CEP128: variants seen among roughly 807,000 people sequenced by gnomAD.
CEP128 encodes the protein centrosomal protein 128kDa.
In CEP128, 132 loss-of-function variants were observed where a neutral mutation model predicts 156.7. The observed-to-expected ratio is 0.84, with a 90% CI of 0.73 to 0.97. CEP128 has a LOEUF of 0.97. Among genes scored for constraint, CEP128 ranks in the 50% least tolerant of loss-of-function variants. The probability of loss-of-function intolerance (pLI) is 0.00; values close to 1 mark genes in which losing one functional copy is unlikely to be tolerated. For synonymous variants in CEP128, 469 were observed against 448.9 expected (o/e 1.04, Z -0.57); for missense variants, 1,252 against 1,281.9 (o/e 0.98, Z 0.36).
downstream of CEP128, among the ~76,000 whole-genome samples, chr14:80,489,244 A>G (rs565427502): frequency 1.2e-3 from 183 of 148,570 alleles, no homozygotes; most frequent in Non-Finnish European, 2.1e-3. Context: ...TGAAATAAAC[A>G]TATGGTTAAA....
intron 13 of CEP128, among the ~76,000 whole-genome samples, chr14:80,822,131 T>A (rs1168632436): frequency 3.9e-5 from 6 of 152,064 alleles, no homozygotes; most frequent in African/African-American, 1.4e-4. Context: ...AACCATATCA[T>A]TCCGCCCCTG....
chr14:80,495,098 A>G (rs1440411932), downstream of CEP128, among the ~76,000 whole-genome samples: 1 of 152,164 alleles, frequency 6.6e-6, no homozygotes, highest in African/African-American at 2.4e-5. Flanking sequence ...CAAATTAAGT[A>G]TTGGACCAGG....
chr14:80,761,663 A>G (rs1181849052), intron 16 of CEP128, 50 bp from the exon 17 acceptor site: 1 of 1,332,998 alleles, frequency 7.5e-7, no homozygotes, highest in Non-Finnish European at 1.0e-6. Context: ...AAGTGGAGGC[A>G]AGAAAATACT....
intron 13 of CEP128, among the ~76,000 whole-genome samples, chr14:80,818,904 G>T (rs538820583): frequency 1.5e-3 from 226 of 152,142 alleles, no homozygotes; most frequent in Middle Eastern, 6.8e-3. Context: ...ATATTATTCT[G>T]TCCTTGAAGG....
At chr14:80,930,690 T>C (rs904409299) in intron 2 of CEP128, among the ~76,000 whole-genome samples, 1 of 152,192 alleles carries the variant, frequency 6.6e-6, no homozygotes, top group Non-Finnish European at 1.5e-5. Flanking sequence ...ATGGAGACCA[T>C]GCACACTGCA....
intron 8 of CEP128, among the ~76,000 whole-genome samples, chr14:80,883,970 T>C (rs1888673188): frequency 6.6e-6 from 1 of 152,072 alleles, no homozygotes; most frequent in Non-Finnish European, 1.5e-5. Flanking sequence ...AAAGAACTTG[T>C]ATTGGGAAAA....
intron 2 of CEP128, among the ~76,000 whole-genome samples, chr14:80,927,798 C>T (rs1290501787): frequency 3.3e-5 from 5 of 152,216 alleles, no homozygotes; most frequent in Non-Finnish European, 7.3e-5. Flanking sequence ...TGGGCACCTC[C>T]TACTGGCCTG....
intron 19 of CEP128, among the ~76,000 whole-genome samples, chr14:80,610,068 G>T (rs1263472995): frequency 1.3e-5 from 2 of 152,014 alleles, no homozygotes; most frequent in African/African-American, 4.8e-5. Flanking sequence ...ATAAATGGTA[G>T]CACGTTATAT....
chr14:80,508,668 C>T (rs1297775930), intron 23 of CEP128, among the ~76,000 whole-genome samples: 2 of 152,220 alleles, frequency 1.3e-5, no homozygotes, highest in African/African-American at 4.8e-5. Context: ...CTGAATGATA[C>T]ATTTTAAGGC....
At chr14:80,955,542 A>G (rs1886613834) in intron 2 of CEP128, 1 of 1,000,870 alleles carries the variant, frequency 1.0e-6, no homozygotes, top group African/African-American at 1.6e-5. Context: ...CACAGTGGTG[A>G]GGTCACAGCC....
rs182165062 is a variant in CEP128, at chr14:80,510,235, C to T, written c.3073-5215G>A. ...GTAGTATGGACATTTTAACAATATT[C>T]TTACAATCCATGACCATAAAATATC... On this transcript the variant is annotated intron_variant, in intron 23 of 24. Coordinates refer to ENST00000555265, the MANE Select transcript of CEP128 (RefSeq NM_152446.5). Among the ~76,000 whole-genome samples, 707 of 152,068 alleles carry T rather than the reference C, an allele frequency of 4.6e-3. 1 individual carries two copies. The highest frequency in any genetic ancestry group is 7.9e-3 in the Non-Finnish European group (536 of 67,866).
Position 80,792,977 on chromosome 14 carries a change from G to C in CEP128, c.1343C>G (p.Thr448Ser). Residue 448 changes from threonine (T) to serine (S), a missense_variant, in exon 14 of 25, where the codon ACT (threonine) becomes AGT (serine). Coordinates refer to ENST00000555265, the MANE Select transcript of CEP128 (RefSeq NM_152446.5). ...CTTGGTTGCATCCTCCGCATGGCGA[G>C]TCAGCTCTGAGATCTGAAGGTCAGC... ...KHADLQISEL[T>S]RHAEDATKQA... is the part of the protein sequence containing the mutation. 14 of 1,614,190 alleles carry C rather than the reference G, an allele frequency of 8.7e-6. No individual in the cohort carries two copies. Among genetic ancestry groups the C allele is most frequent in the Non-Finnish European group, 8.5e-6 (10 of 1,180,032 alleles).
chr14:80,685,586 A>T (rs1197112295), intron 19 of CEP128, among the ~76,000 whole-genome samples: 2 of 151,998 alleles, frequency 1.3e-5, no homozygotes, highest in African/African-American at 4.8e-5. Context: ...TCACATAACT[A>T]AAAAAATTAA....
chr14:80,898,302 GAAGT>G lies in CEP128; in HGVS notation c.572+1632_572+1635del, dbSNP rs1367335641. Among the ~76,000 whole-genome samples, 13 of 152,228 alleles carry G rather than the reference GAAGT, an allele frequency of 8.5e-5. No individual in the cohort carries two copies. In the East Asian group the frequency reaches 2.5e-3, roughly 29 times the overall value. On this transcript the variant is annotated intron_variant, in intron 7 of 24. Coordinates refer to ENST00000555265, the MANE Select transcript of CEP128 (RefSeq NM_152446.5). The stretch of plus-strand genomic sequence containing the variant: ...TCCTGTCCATTATTTTTATAAACAT[GAAGT>G]AAGAATCTGTAGTACAAGTAAAGCA...
intron 19 of CEP128, among the ~76,000 whole-genome samples, chr14:80,671,875 G>C (rs1458763230): frequency 6.7e-6 from 1 of 149,754 alleles, no homozygotes; most frequent in South Asian, 2.1e-4. Context: ...GTATGGGGGG[G>C]TGGGGGGTAG....
chr14:80,874,834 G>A (rs920657458), intron 8 of CEP128, among the ~76,000 whole-genome samples: 1 of 152,158 alleles, frequency 6.6e-6, no homozygotes, highest in Non-Finnish European at 1.5e-5. Context: ...TAGCCAGGAT[G>A]GTCTCGATCT....
intron 19 of CEP128, among the ~76,000 whole-genome samples, chr14:80,646,994 A>AATATATATATATATAT (rs372341494): frequency 1.3e-5 from 1 of 76,592 alleles, no homozygotes; most frequent in African/African-American, 3.6e-5. Context: ...ATTTATAAGA[A>AATATATATATATATAT]ATATATATAT....
At chr14:80,642,811 G>A (rs938257657) in intron 19 of CEP128, among the ~76,000 whole-genome samples, 13 of 151,126 alleles carry the variant, frequency 8.6e-5, no homozygotes, top group African/African-American at 1.2e-4. Context: ...GCTGGAATGC[G>A]GCGGCGCGAC....
intron 19 of CEP128, among the ~76,000 whole-genome samples, chr14:80,584,602 G>A (rs897469984): frequency 6.6e-6 from 1 of 152,184 alleles, no homozygotes; most frequent in Non-Finnish European, 1.5e-5. Flanking sequence ...TTGGAATGAT[G>A]AACACGGTTA....
Sources: allele counts gnomAD v4.1 joint callset (sites outside exome capture counted in the v4.1 genomes callset), GRCh38; gene constraint gnomAD v4.1.1; transcripts MANE v1.5; gene names NCBI Gene and HGNC (gene_info 2026-07-23, HGNC 2026-07-21).